CLDN14: variants seen among roughly 807,000 people sequenced by gnomAD.
CLDN14 encodes the protein claudin 14.
CLDN14 carries 2 observed loss-of-function variants against 2.1 expected under a neutral mutation model. The observed-to-expected ratio is 0.96, with a 90% CI of 0.39 to 3.01. The LOEUF (loss-of-function observed/expected upper bound fraction) is 3.01. CLDN14 is among the 30% of genes most tolerant of loss of function. CLDN14 has a pLI of 0.09. For synonymous variants in CLDN14, 136 were observed against 154.4 expected (o/e 0.88, Z 0.88); for missense variants, 298 against 328.0 (o/e 0.91, Z 0.71).
chr21:36,506,383 G>A (rs2087132886), intron 2 of CLDN14, among the ~76,000 whole-genome samples: 2 of 152,108 alleles, frequency 1.3e-5, no homozygotes, highest in African/African-American at 4.8e-5. Flanking sequence ...GATCACCTGA[G>A]GTCAGAAGTT....
At chr21:36,470,532 C>T (rs868661031) in intron 1 of CLDN14, among the ~76,000 whole-genome samples, 2 of 152,304 alleles carry the variant, frequency 1.3e-5, no homozygotes, top group Middle Eastern at 6.8e-3. Flanking sequence ...ACCAGCCTGC[C>T]CACACCTTAG....
chr21:36,481,888 A>G (rs1233394004), upstream of CLDN14, among the ~76,000 whole-genome samples: 1 of 152,176 alleles, frequency 6.6e-6, no homozygotes, highest in Non-Finnish European at 1.5e-5. Flanking sequence ...AGTAGCAGGG[A>G]GCCTGGCTAG....
At chr21:36,565,251 G>A (rs1014078545) in intron 1 of CLDN14, among the ~76,000 whole-genome samples, 5 of 152,188 alleles carry the variant, frequency 3.3e-5, no homozygotes, top group Non-Finnish European at 7.3e-5. Context: ...CAGGGGGTCA[G>A]TTTGTCTCTC....
At chr21:36,472,032 T>C (rs1173246768) in intron 1 of CLDN14, among the ~76,000 whole-genome samples, 4 of 152,240 alleles carry the variant, frequency 2.6e-5, no homozygotes, top group Admixed American at 6.5e-5. Context: ...ATGCCAAACA[T>C]GTGCTAAGTG....
In CLDN14 at chr21:36,537,989, ATGTGTGTGTGTG is replaced by A. The variant is rs34437515; in HGVS notation, c.-219-27501_-219-27490del. ...ATGGTTAAGAAAAAATCAAAACAAA[ATGTGTGTGTGTG>A]TGTGTGTGTGTGTGTACAGAGAGAG... On this transcript the variant is annotated intron_variant, in intron 1 of 2. Transcript: ENST00000342108. Among the ~76,000 whole-genome samples the A allele has an allele frequency of 4.0e-5, 6 of 149,074 alleles. No individual in the cohort carries two copies. In the East Asian group the frequency reaches 5.9e-4, roughly 15 times the overall value.
At chr21:36,493,326 G>T (rs989631138) in intron 2 of CLDN14, among the ~76,000 whole-genome samples, 1 of 152,094 alleles carries the variant, frequency 6.6e-6, no homozygotes, top group African/African-American at 2.4e-5. Flanking sequence ...TGCCTTCCCT[G>T]GGAGGCAGGG....
rs117840036 is a variant in CLDN14, at chr21:36,550,587, T to C, written c.-220+25824A>G. On this transcript the variant is annotated intron_variant, in intron 1 of 2. Transcript: ENST00000342108. ...AGTTGGGCCCATGGCATCAGCCCGG[T>C]TTCTAACCTGGTCCCCACCACAGGC... Among the ~76,000 whole-genome samples the C allele has an allele frequency of 9.7e-4, 147 of 152,180 alleles. 2 individuals carry two copies. In the East Asian group the frequency reaches 0.023, roughly 24 times the overall value.
At chr21:36,538,942 C>G (rs940332600) in intron 1 of CLDN14, among the ~76,000 whole-genome samples, 1 of 152,166 alleles carries the variant, frequency 6.6e-6, no homozygotes, top group Non-Finnish European at 1.5e-5. Context: ...CCAGTCGCGC[C>G]CCTGCCCGGC....
chr21:36,542,369 C>T (rs1048026622), intron 1 of CLDN14, among the ~76,000 whole-genome samples: 4 of 152,216 alleles, frequency 2.6e-5, no homozygotes, highest in Non-Finnish European at 4.4e-5. Flanking sequence ...ATATAGCAGA[C>T]GTTGCAGACC....
At chr21:36,489,512 G>C (rs1392152988) in intron 2 of CLDN14, among the ~76,000 whole-genome samples, 1 of 152,156 alleles carries the variant, frequency 6.6e-6, no homozygotes, top group African/African-American at 2.4e-5. Context: ...GCTGTGGGAA[G>C]GCCTCACCAG....
intron 1 of CLDN14, among the ~76,000 whole-genome samples, chr21:36,529,110 G>C (rs927412434): frequency 2.6e-5 from 4 of 152,184 alleles, no homozygotes; most frequent in African/African-American, 9.7e-5. Context: ...GAAAACTACA[G>C]GCAAGACATG....
At position 36,499,954 on chromosome 21, in the gene CLDN14, GCA is replaced by G. The variant is rs1005995156; in HGVS notation, c.-82+10407_-82+10408del. 1.9e-4 allele frequency among the ~76,000 whole-genome samples: 29 copies of G among 152,146 alleles called. No individual in the cohort carries two copies. Among genetic ancestry groups the G allele is most frequent in the African/African-American group, 6.5e-4 (27 of 41,420 alleles). On this transcript the variant is annotated intron_variant, in intron 2 of 2. Transcript: ENST00000342108. This position sits in a 1 kb window ranked among gnomAD's most constrained non-coding sequence, Gnocchi z 4.7. ...GGGCCCAGAAGCCTGCCCCAGCCGC[GCA>G]CACAGAGTCTACCTGTCTTCCAATG... is the stretch of plus-strand genomic sequence containing the variant.
At chr21:36,478,859 C>T (rs1232966772) in intron 1 of CLDN14, among the ~76,000 whole-genome samples, 4 of 152,202 alleles carry the variant, frequency 2.6e-5, no homozygotes, top group South Asian at 4.1e-4. Context: ...GCCGTGGCAG[C>T]TGTTGGGGAT....
At chr21:36,516,387 G>T (rs76569232) in intron 1 of CLDN14, among the ~76,000 whole-genome samples, 65 of 152,060 alleles carry the variant, frequency 4.3e-4, no homozygotes, top group African/African-American at 1.4e-3. Flanking sequence ...TTATGAATAA[G>T]AATACAAGCG....
At chr21:36,463,147 G>T (rs116699215) in intron 1 of CLDN14, among the ~76,000 whole-genome samples, 1 of 152,186 alleles carries the variant, frequency 6.6e-6, no homozygotes, top group African/African-American at 2.4e-5. Flanking sequence ...CAGCGAGACC[G>T]GGCATTAGCA....
intron 1 of CLDN14, among the ~76,000 whole-genome samples, chr21:36,524,781 G>C (rs2087310564): frequency 6.6e-6 from 1 of 152,214 alleles, no homozygotes; most frequent in Admixed American, 6.5e-5. Context: ...CCATGTGGAG[G>C]TGTCCTGCCT....
chr21:36,539,325 T>TG (rs1044144841), intron 1 of CLDN14, among the ~76,000 whole-genome samples: 4 of 151,396 alleles, frequency 2.6e-5, no homozygotes, highest in African/African-American at 4.9e-5. Flanking sequence ...TGAGTGCGTG[T>TG]GGAGTGTGTG....
intron 1 of CLDN14, among the ~76,000 whole-genome samples, chr21:36,469,924 G>A (rs1165343640): frequency 6.6e-6 from 1 of 151,976 alleles, no homozygotes; most frequent in Non-Finnish European, 1.5e-5. Flanking sequence ...CAGTCAGGCA[G>A]GTTTGCTATG....
intron 2 of CLDN14, among the ~76,000 whole-genome samples, chr21:36,505,247 C>T (rs1045328006): frequency 6.6e-6 from 1 of 152,166 alleles, no homozygotes; most frequent in African/African-American, 2.4e-5. Context: ...GTCTTTGTTT[C>T]ATATTTCATT....
Sources: allele counts gnomAD v4.1 joint callset (sites outside exome capture counted in the v4.1 genomes callset), GRCh38; gene constraint gnomAD v4.1.1; non-coding constraint Gnocchi (gnomAD v3.1); transcripts MANE v1.5; gene names NCBI Gene and HGNC (gene_info 2026-07-23, HGNC 2026-07-21).